DNAH12: variants seen among roughly 807,000 people sequenced by gnomAD.
DNAH12 encodes the protein dynein axonemal heavy chain 12, also known as axonemal beta dynein heavy chain 12.
Under a neutral mutation model 371.5 loss-of-function variants are expected in DNAH12, and 285 were observed. The observed-to-expected ratio is 0.77, with a 90% CI of 0.70 to 0.85. The LOEUF is 0.85. DNAH12 is among the 40% of genes least tolerant of loss of function. The pLI is 0.00. For missense variants in DNAH12, 3,611 were observed against 3,689.4 expected, an observed-to-expected ratio of 0.98 and a Z score of 0.55; for synonymous variants, 1,200 against 1,213.0, an observed-to-expected ratio of 0.99 and a Z score of 0.22.
chr3:57,318,354 T>C (rs1559548980), intron 65 of DNAH12, among the ~76,000 whole-genome samples: 1 of 152,098 alleles, frequency 6.6e-6, no homozygotes, highest in Non-Finnish European at 1.5e-5. Flanking sequence ...AGATAGGAGT[T>C]AAATTTCATT....
intron 32 of DNAH12, among the ~76,000 whole-genome samples, chr3:57,430,941 A>G (rs2064937349): frequency 6.6e-6 from 1 of 152,240 alleles, no homozygotes; most frequent in African/African-American, 2.4e-5. Context: ...AAAACTAAAT[A>G]AAATTTAAAA....
chr3:57,436,954 T>C lies in DNAH12; in HGVS notation c.4652A>G (p.His1551Arg), dbSNP rs762266859. Residue 1551 changes from histidine to arginine, a missense_variant, in exon 30 of 74, where the codon CAT (histidine) becomes CGT (arginine). Physicochemically the swap from His to Arg is conservative, Grantham distance 29. This residue lies in a region of DNAH12 where 2,266 missense variants were observed against 2,236.9 expected (regional missense o/e 1.01). Coordinates refer to ENST00000495027, the MANE Select transcript of DNAH12 (RefSeq NM_001366028.2). ...CTATAGCAATATATAATCTTACCCATGTCTAACAATCATCATTTCATATGT... is the reference window on the plus strand; with the variant it reads ...CTATAGCAATATATAATCTTACCCACGTCTAACAATCATCATTTCATATGT... Reference protein sequence around the residue: ...IQTYEMMIVRHGFMLVGEPFA... With the variant: ...IQTYEMMIVRRGFMLVGEPFA... 1.4e-6 allele frequency: 2 copies of C among 1,445,626 alleles called. No individual in the cohort carries two copies. The highest frequency in any genetic ancestry group is 1.4e-5 in the South Asian group (1 of 70,100). The allele number at this position is 1,445,626 out of a possible 1,614,324, so 89.5% of individuals were successfully genotyped here. A position where few individuals can be genotyped will look rare whatever the true frequency, so the allele number is the denominator to read the frequency against.
intron 6 of DNAH12, 47 bp downstream of exon 6, chr3:57,509,093 T>G: frequency 6.7e-7 from 1 of 1,486,236 alleles, no homozygotes; most frequent in Non-Finnish European, 9.3e-7. Context: ...ATTTTTTATC[T>G]ATATCAAAAA....
At chr3:57,414,905 T>C (rs2064317274) in intron 38 of DNAH12, among the ~76,000 whole-genome samples, 1 of 152,026 alleles carries the variant, frequency 6.6e-6, no homozygotes, top group Admixed American at 6.6e-5. Context: ...AAAACGGCAA[T>C]TAGAAACAGT....
Position 57,429,757 on chromosome 3 carries a change from T to G in DNAH12, c.4998A>C (p.Gly1666=). 6.5e-7 allele frequency: 1 copy of G among 1,527,480 alleles called. No individual in the cohort carries two copies. Among genetic ancestry groups the G allele is most frequent in the Non-Finnish European group, 8.8e-7 (1 of 1,139,380 alleles). 94.6% of individuals were successfully genotyped at this position (1,527,480 alleles called of 1,614,324 possible). ...TTTGGGGGGACATCTGAATGATTTC[T>G]CCACTCATAAGGCAAAGCTAAAAGC... ...DDNKKLCLMS[G]EIIQMSPQMS... Residue 1666 remains glycine, a synonymous_variant, in exon 33 of 74, where the codon GGA becomes GGC. Transcript: ENST00000495027.
chr3:57,335,460 A>G (rs1575468710), intron 60 of DNAH12, among the ~76,000 whole-genome samples: 1 of 152,240 alleles, frequency 6.6e-6, no homozygotes. Context: ...TTAGTCACGC[A>G]TTCTAAGAAG....
At chr3:57,294,955 G>A (rs1165768605) in intron 73 of DNAH12, among the ~76,000 whole-genome samples, 1 of 152,072 alleles carries the variant, frequency 6.6e-6, no homozygotes, top group Non-Finnish European at 1.5e-5. Flanking sequence ...GAATTAAAAA[G>A]TTAGGGAAGA....
At chr3:57,296,562 C>T (rs2107641431) in intron 71 of DNAH12, 127 bp from the exon 72 acceptor site, 2 of 800,944 alleles carry the variant, frequency 2.5e-6, no homozygotes, top group Non-Finnish European at 3.8e-6. Context: ...TTAAACTATA[C>T]ATTTTTTCAG....
chr3:57,329,331 CA>C (rs1205621146), intron 62 of DNAH12, among the ~76,000 whole-genome samples: 1 of 126,548 alleles, frequency 7.9e-6, no homozygotes, highest in Non-Finnish European at 1.6e-5. Flanking sequence ...GCTACAGTAA[CA>C]AAAACAGCAT....
chr3:57,433,660 GTCAAAC>G lies in DNAH12; in HGVS notation c.4818_4823del (p.Gln1606_Asp1608delinsHis). On this transcript the variant is annotated inframe_deletion, in exon 31 of 74. Coordinates refer to ENST00000495027, the MANE Select transcript of DNAH12 (RefSeq NM_001366028.2). Reference sequence around the variant, plus strand: ...TTTAGGTTACCTCATGAGACACTGGGTCAAACTGTCCAAAAAGTTGGCCCATAGTAA... The same window carrying G: ...TTTAGGTTACCTCATGAGACACTGGGTGTCCAAAAAGTTGGCCCATAGTAA... The G allele has an allele frequency of 6.5e-7, 1 of 1,549,422 alleles. No individual in the cohort carries two copies. The highest frequency in any genetic ancestry group is 8.7e-7 in the Non-Finnish European group (1 of 1,146,602).
intron 29 of DNAH12, among the ~76,000 whole-genome samples, chr3:57,437,425 A>T (rs1187709732): frequency 2.0e-5 from 3 of 152,256 alleles, no homozygotes; most frequent in Non-Finnish European, 4.4e-5. Context: ...TAAGTTTTTT[A>T]AAATTATAAA....
chr3:57,518,305 A>T (rs892672309), intron 4 of DNAH12, among the ~76,000 whole-genome samples: 2 of 152,168 alleles, frequency 1.3e-5, no homozygotes, highest in African/African-American at 4.8e-5. Context: ...CAGGTGGATC[A>T]CTGGAGGTCA....
rs1009560126 is a variant in DNAH12, at chr3:57,394,160, A to G, written c.7110+11T>C. The G allele has an allele frequency of 2.6e-5, 4 of 152,182 alleles. No homozygotes were observed. The highest frequency in any genetic ancestry group is 4.4e-5 in the Non-Finnish European group (3 of 68,046). The allele number at this position is 152,182 out of a possible 1,614,324, so 9.4% of individuals were successfully genotyped here. The stretch of plus-strand genomic sequence containing the variant: ...TTGTGCTAGAAGCAGCACTTCCCCA[A>G]AAGCATTTACCTCCATCACTTCCTG... On this transcript the variant is annotated intron_variant, in intron 44 of 73. Coordinates refer to ENST00000495027, the MANE Select transcript of DNAH12 (RefSeq NM_001366028.2).
the DNAH12 span, among the ~76,000 whole-genome samples, chr3:57,550,970 C>CT: frequency 4.0e-5 from 6 of 150,570 alleles, no homozygotes; most frequent in Non-Finnish European, 7.4e-5. Flanking sequence ...GCTCCGCTTC[C>CT]TGGGTTCACA....
At chr3:57,523,966 A>C in intron 2 of DNAH12, 82 bp from the exon 3 acceptor site, 2 of 983,228 alleles carry the variant, frequency 2.0e-6, no homozygotes, top group Admixed American at 2.8e-5. Flanking sequence ...GCATTTTTCC[A>C]ACTATACTAA....
intron 17 of DNAH12, among the ~76,000 whole-genome samples, chr3:57,463,924 C>A (rs2066127504): frequency 6.6e-6 from 1 of 151,874 alleles, no homozygotes; most frequent in African/African-American, 2.4e-5. Flanking sequence ...CCTGAGTAGC[C>A]TCATGAGTAG....
intron 4 of DNAH12, among the ~76,000 whole-genome samples, chr3:57,514,870 T>C (rs1282895456): frequency 6.6e-6 from 1 of 152,186 alleles, no homozygotes; most frequent in East Asian, 1.9e-4. Flanking sequence ...CATATATCCT[T>C]ATGCTAAGTA....
chr3:57,473,130 A>T (rs2066414927), intron 13 of DNAH12, among the ~76,000 whole-genome samples: 1 of 151,908 alleles, frequency 6.6e-6, no homozygotes, highest in Non-Finnish European at 1.5e-5. Flanking sequence ...TTTTTGGCCT[A>T]CTTCACATGT....
intron 6 of DNAH12, 75 bp downstream of exon 6, chr3:57,509,065 T>C: frequency 3.9e-6 from 5 of 1,274,548 alleles, no homozygotes; most frequent in Non-Finnish European, 5.6e-6. Flanking sequence ...ATTGTATACT[T>C]GAAGGTAAGA....
Sources: gnomAD v4.1 joint callset for allele counts (sites outside exome capture counted in the v4.1 genomes callset) on GRCh38, gnomAD v4.1.1 for gene constraint, gnomAD v4.1.1 regional missense constraint, MANE v1.5 for transcripts, NCBI Gene and HGNC (gene_info 2026-07-23, HGNC 2026-07-21) for gene names.